The following DLGAP1 variants were observed in gnomAD, a reference collection of about 807,000 sequenced individuals.
The protein encoded by DLGAP1 is disks large-associated protein 1.
DLGAP1 carries 11 observed loss-of-function variants against 90.8 expected under a neutral mutation model. The observed-to-expected ratio is 0.12, with a 90% CI of 0.08 to 0.20. The LOEUF is 0.20. Among genes scored for constraint, DLGAP1 ranks in the 10% least tolerant of loss-of-function variants. The probability of loss-of-function intolerance (pLI) is 1.00; values close to 1 mark genes in which losing one functional copy is unlikely to be tolerated. For missense variants in DLGAP1, 1,050 were observed against 1,333.8 expected (o/e 0.79, Z 3.31); for synonymous variants, 558 against 540.7 (o/e 1.03, Z -0.44).
At chr18:3,652,243 C>T (rs1446430716) in intron 7 of DLGAP1, among the ~76,000 whole-genome samples, 1 of 151,496 alleles carries the variant, frequency 6.6e-6, no homozygotes, top group African/African-American at 2.4e-5. Flanking sequence ...GACATCAATA[C>T]ATTAGGAATA....
chr18:3,938,436 G>A (rs2072690821), intron 3 of DLGAP1, among the ~76,000 whole-genome samples: 1 of 152,122 alleles, frequency 6.6e-6, no homozygotes, highest in Non-Finnish European at 1.5e-5. Context: ...TTAGATGTAT[G>A]AGAGTGCGAC....
intron 1 of DLGAP1, among the ~76,000 whole-genome samples, chr18:4,208,232 T>C (rs2077761360): frequency 6.6e-6 from 1 of 152,244 alleles, no homozygotes; most frequent in South Asian, 2.1e-4. Context: ...GAAGTTCACT[T>C]GTAAATTTTG....
intron 3 of DLGAP1, among the ~76,000 whole-genome samples, chr18:3,989,970 A>G (rs1300045598): frequency 6.6e-6 from 1 of 152,172 alleles, no homozygotes; most frequent in Non-Finnish European, 1.5e-5. Context: ...GATCATTAAA[A>G]AGTCAGGAAA....
At chr18:3,587,222 T>A (rs1379332797) in intron 7 of DLGAP1, among the ~76,000 whole-genome samples, 1 of 152,088 alleles carries the variant, frequency 6.6e-6, no homozygotes, top group Non-Finnish European at 1.5e-5. Flanking sequence ...GCCTGGCTAA[T>A]TTTTGTGGGT....
At chr18:3,579,308 T>C (rs367572571) in intron 8 of DLGAP1, among the ~76,000 whole-genome samples, 2 of 152,356 alleles carry the variant, frequency 1.3e-5, no homozygotes, top group Admixed American at 6.5e-5. Context: ...TCTATCGGGT[T>C]CAAGGGATTC....
chr18:3,945,749 A>G (rs993537924), intron 3 of DLGAP1, among the ~76,000 whole-genome samples: 2 of 151,656 alleles, frequency 1.3e-5, no homozygotes, highest in Non-Finnish European at 1.5e-5. Flanking sequence ...AACCTGCACA[A>G]TGTGCACATG....
At chr18:3,613,486 C>T (rs922587444) in intron 7 of DLGAP1, among the ~76,000 whole-genome samples, 13 of 152,154 alleles carry the variant, frequency 8.5e-5, no homozygotes, top group African/African-American at 2.2e-4. Context: ...GTGCATGCTA[C>T]CATTCCTGGT....
intron 4 of DLGAP1, among the ~76,000 whole-genome samples, chr18:3,866,257 G>A (rs915785638): frequency 4.6e-5 from 7 of 152,148 alleles, no homozygotes; most frequent in African/African-American, 7.2e-5. Context: ...CACTGGGGAC[G>A]GATAACTTTC....
chr18:3,607,084 C>G (rs369253292), intron 7 of DLGAP1: 5 of 152,398 alleles, frequency 3.3e-5, no homozygotes, highest in South Asian at 4.1e-4. Context: ...CCACCTGCCT[C>G]GGCCTCCCAG....
At chr18:3,803,477 C>T (rs1357032949) in intron 5 of DLGAP1, among the ~76,000 whole-genome samples, 2 of 152,096 alleles carry the variant, frequency 1.3e-5, no homozygotes, top group African/African-American at 2.4e-5. Flanking sequence ...ATGATGCTAC[C>T]GAGGTGGTGG....
At chr18:3,969,900 C>A (rs1805367577) in intron 3 of DLGAP1, among the ~76,000 whole-genome samples, 1 of 152,170 alleles carries the variant, frequency 6.6e-6, no homozygotes, top group African/African-American at 2.4e-5. Context: ...GGATTAAATA[C>A]TTCTGATAAA....
At position 3,741,237 on chromosome 18, in the gene DLGAP1, CCACCAT is replaced by C. The variant is rs1210852099; in HGVS notation, c.1350+1092_1350+1097del. Among the ~76,000 whole-genome samples, 9 of 127,326 alleles carry C rather than the reference CCACCAT, an allele frequency of 7.1e-5. No individual in the cohort carries two copies. In the East Asian group the frequency reaches 7.1e-4, roughly 10 times the overall value. The allele number at this position is 127,326 out of a possible 152,430, so 83.5% of individuals were successfully genotyped here. A position where few individuals can be genotyped will look rare whatever the true frequency, so the allele number is the denominator to read the frequency against. On this transcript the variant is annotated intron_variant, in intron 6 of 12. Coordinates refer to ENST00000315677, the MANE Select transcript of DLGAP1 (RefSeq NM_004746.4). Reference sequence around the variant, plus strand: ...CACCACCACATCACCATCACCACCACCACCATCACCATCACCACCACAATCACCACC... The same window carrying C: ...CACCACCACATCACCATCACCACCACCACCATCACCACCACAATCACCACC...
At chr18:3,672,270 TTATC>T (rs1271757373) in intron 7 of DLGAP1, among the ~76,000 whole-genome samples, 2 of 150,426 alleles carry the variant, frequency 1.3e-5, no homozygotes, top group African/African-American at 4.9e-5. Flanking sequence ...TGGCTTCTAC[TTATC>T]TATTTCTTGA....
At chr18:3,818,693 C>G (rs2067234834) in intron 4 of DLGAP1, among the ~76,000 whole-genome samples, 1 of 151,610 alleles carries the variant, frequency 6.6e-6, no homozygotes, top group Non-Finnish European at 1.5e-5. Flanking sequence ...CCCCTGCCTC[C>G]TGGGTTCAAG....
intron 1 of DLGAP1, among the ~76,000 whole-genome samples, chr18:4,363,442 C>A (rs947490732): frequency 3.3e-5 from 5 of 152,108 alleles, no homozygotes; most frequent in Admixed American, 2.6e-4. Flanking sequence ...CTAAGCTGTC[C>A]TAACACAGTG....
chr18:3,788,926 C>G (rs1205825103), intron 5 of DLGAP1, among the ~76,000 whole-genome samples: 2 of 152,208 alleles, frequency 1.3e-5, no homozygotes, highest in African/African-American at 4.8e-5. Context: ...ACAACAAAAC[C>G]ATTCCTGTTC....
At chr18:3,569,126 C>T (rs2054614032) in intron 8 of DLGAP1, among the ~76,000 whole-genome samples, 1 of 151,616 alleles carries the variant, frequency 6.6e-6, no homozygotes, top group African/African-American at 2.4e-5. Context: ...CTCAGCCTCC[C>T]GAGTAGCTGA....
At chr18:4,265,698 T>TTCCC (rs1233597653) in intron 1 of DLGAP1, among the ~76,000 whole-genome samples, 32 of 118,094 alleles carry the variant, frequency 2.7e-4, no homozygotes, top group African/African-American at 1.0e-3. Flanking sequence ...CCTTCCTTCC[T>TTCCC]TCCCTCCTCT....
intron 3 of DLGAP1, among the ~76,000 whole-genome samples, chr18:3,882,860 C>G (rs1197276732): frequency 6.6e-6 from 1 of 152,222 alleles, no homozygotes. Context: ...TATAAAGAGT[C>G]ATCTTGGAAA....
Sources: allele counts gnomAD v4.1 joint callset (sites outside exome capture counted in the v4.1 genomes callset), GRCh38; gene constraint gnomAD v4.1.1; transcripts MANE v1.5; gene names NCBI Gene and HGNC (gene_info 2026-07-23, HGNC 2026-07-21).